Variants in TRAPPC9 observed in about 807,000 individuals in gnomAD.
TRAPPC9 encodes trafficking protein particle complex subunit 9, also known as IKK2 binding protein.
TRAPPC9 carries 83 observed loss-of-function variants against 124.0 expected under a neutral mutation model. The ratio of observed to expected loss-of-function variants is 0.67; its 90% CI spans 0.56 to 0.80. The LOEUF (loss-of-function observed/expected upper bound fraction) is 0.80. Ranked by LOEUF, TRAPPC9 falls within the 30% of genes least tolerant of loss-of-function variation. The pLI is 0.00. For synonymous variants in TRAPPC9, 638 were observed against 617.5 expected, an observed-to-expected ratio of 1.03 and a Z score of -0.49; for missense variants, 1,302 against 1,508.3, an observed-to-expected ratio of 0.86 and a Z score of 2.27.
intron 12 of TRAPPC9, among the ~76,000 whole-genome samples, chr8:140,288,153 G>A (rs1453218379): frequency 6.6e-6 from 1 of 152,150 alleles, no homozygotes; most frequent in African/African-American, 2.4e-5. Flanking sequence ...ACCAACCTGG[G>A]CAACACAGTA....
chr8:140,306,727 G>A (rs2066148228), intron 10 of TRAPPC9, among the ~76,000 whole-genome samples: 1 of 152,188 alleles, frequency 6.6e-6, no homozygotes, highest in Admixed American at 6.5e-5. Flanking sequence ...ATCAGAAAGT[G>A]CCACAAGTCC....
At chr8:140,227,961 T>A (rs1587968705) in intron 16 of TRAPPC9, among the ~76,000 whole-genome samples, 1 of 152,160 alleles carries the variant, frequency 6.6e-6, no homozygotes, top group African/African-American at 2.4e-5. Context: ...TACATTTCAG[T>A]CCCCACACTG....
chr8:139,771,349 TTTC>T (rs1234465926), intron 21 of TRAPPC9, among the ~76,000 whole-genome samples: 2 of 152,060 alleles, frequency 1.3e-5, no homozygotes, highest in African/African-American at 2.4e-5. Context: ...CTGTCACTCA[TTTC>T]TAGCCAATCA....
intron 19 of TRAPPC9, among the ~76,000 whole-genome samples, chr8:139,987,059 T>A (rs1414861255): frequency 6.6e-6 from 1 of 152,206 alleles, no homozygotes; most frequent in African/African-American, 2.4e-5. Flanking sequence ...CAGCATCCTG[T>A]TCCTGAGAGT....
At chr8:140,066,470 G>A (rs1842901089) in intron 17 of TRAPPC9, among the ~76,000 whole-genome samples, 1 of 152,194 alleles carries the variant, frequency 6.6e-6, no homozygotes, top group African/African-American at 2.4e-5. Flanking sequence ...CTCTTGAAGT[G>A]CAGTGAATTG....
chr8:140,280,004 A>G (rs938016036), intron 14 of TRAPPC9, among the ~76,000 whole-genome samples: 3 of 152,224 alleles, frequency 2.0e-5, no homozygotes, highest in Admixed American at 1.3e-4. Flanking sequence ...AGATGGAGCC[A>G]CGATCTCCTT....
intron 4 of TRAPPC9, among the ~76,000 whole-genome samples, chr8:140,432,929 C>CA (rs1408553983): frequency 6.6e-6 from 1 of 151,286 alleles, no homozygotes; most frequent in Non-Finnish European, 1.5e-5. Flanking sequence ...AAGTGTCTTA[C>CA]AAAAAAATAC....
chr8:139,971,746 T>TACACACAC (rs1554419388), intron 19 of TRAPPC9, among the ~76,000 whole-genome samples: 885 of 15,716 alleles, frequency 0.056, 16 homozygotes, highest in Middle Eastern at 0.1. Flanking sequence ...CACATATATA[T>TACACACAC]ATACACACAC....
In TRAPPC9 at chr8:140,083,179, T is replaced by C. The variant is rs575652019; in HGVS notation, c.2557-59100A>G. ...CTGCACTCCAGCCTGGGTGACAGAA[T>C]GAGACTCCATCTCAAAAAAAAAAAT... is the stretch of plus-strand genomic sequence containing the variant. On this transcript the variant is annotated intron_variant, in intron 17 of 22. Coordinates refer to ENST00000438773, the MANE Select transcript of TRAPPC9 (RefSeq NM_001160372.4). Among the ~76,000 whole-genome samples the C allele has an allele frequency of 3.5e-3, 500 of 141,526 alleles. 1 individual carries two copies. Among genetic ancestry groups the C allele is most frequent in the Non-Finnish European group, 6.2e-3 (389 of 63,164 alleles). The allele number at this position is 141,526 out of a possible 152,430, so 92.8% of individuals were successfully genotyped here. A position where few individuals can be genotyped will look rare whatever the true frequency, so the allele number is the denominator to read the frequency against.
intron 16 of TRAPPC9, among the ~76,000 whole-genome samples, chr8:140,247,500 G>T (rs191375635): frequency 6.6e-6 from 1 of 150,510 alleles, no homozygotes; most frequent in African/African-American, 2.5e-5. Flanking sequence ...AATATGTCCC[G>T]CTCATTCTAA....
chr8:140,093,237 C>T (rs1844688770), intron 17 of TRAPPC9, among the ~76,000 whole-genome samples: 2 of 152,302 alleles, frequency 1.3e-5, no homozygotes, highest in East Asian at 3.9e-4. Context: ...GAGGTGCATC[C>T]TGTGCAGGAA....
At chr8:140,278,526 C>T (rs1020390629) in intron 14 of TRAPPC9, among the ~76,000 whole-genome samples, 3 of 152,194 alleles carry the variant, frequency 2.0e-5, no homozygotes, top group Non-Finnish European at 2.9e-5. Context: ...AACCACTGTG[C>T]GACACAGAAA....
intron 17 of TRAPPC9, among the ~76,000 whole-genome samples, chr8:140,032,043 G>A (rs899449826): frequency 6.6e-6 from 1 of 152,158 alleles, no homozygotes; most frequent in Non-Finnish European, 1.5e-5. Flanking sequence ...CAGTGCAGAG[G>A]GCCGCCACGT....
chr8:139,969,956 T>C (rs768615122), intron 19 of TRAPPC9, among the ~76,000 whole-genome samples: 30 of 152,368 alleles, frequency 2.0e-4, no homozygotes, highest in Admixed American at 9.1e-4. Flanking sequence ...TGTCTTGTTA[T>C]CCAAGTTTCC....
chr8:140,255,873 G>T (rs2064242076), intron 15 of TRAPPC9, among the ~76,000 whole-genome samples: 1 of 152,216 alleles, frequency 6.6e-6, no homozygotes, highest in Admixed American at 6.5e-5. Context: ...GCAACAAAGC[G>T]AGACTCCGTC....
At chr8:139,885,522 C>A (rs375497939) in intron 21 of TRAPPC9, among the ~76,000 whole-genome samples, 1 of 152,210 alleles carries the variant, frequency 6.6e-6, no homozygotes, top group Admixed American at 6.5e-5. Flanking sequence ...AGAGCACACA[C>A]CCCGCCAGAC....
At position 140,023,853 on chromosome 8, in the gene TRAPPC9, C is replaced by T. The variant is rs1174702471; in HGVS notation, c.2699+84G>A. On this transcript the variant is annotated intron_variant, in intron 18 of 22. Transcript: ENST00000438773. ...GGCACGGATCTGACGGGATGCATGA[C>T]AAAAACACACTGAGGTCAGGATTCT... 4 of 1,604,796 alleles carry T rather than the reference C, an allele frequency of 2.5e-6. No individual in the cohort carries two copies. The African/African-American group carries it at 5.4e-5, about 21-fold the overall frequency.
intron 3 of TRAPPC9, among the ~76,000 whole-genome samples, chr8:140,438,838 C>T (rs943753788): frequency 2.6e-5 from 4 of 152,088 alleles, no homozygotes; most frequent in Non-Finnish European, 4.4e-5. Flanking sequence ...ACTATAGGCG[C>T]GTGCCACCAC....
At chr8:140,285,146 A>G (rs2065447474) in intron 13 of TRAPPC9, among the ~76,000 whole-genome samples, 1 of 152,340 alleles carries the variant, frequency 6.6e-6, no homozygotes, top group South Asian at 2.1e-4. Flanking sequence ...CCTTGTTCCC[A>G]AAGCGGGCTA....
Sources: allele counts gnomAD v4.1 joint callset (sites outside exome capture counted in the v4.1 genomes callset), GRCh38; gene constraint gnomAD v4.1.1; transcripts MANE v1.5; gene names NCBI Gene and HGNC (gene_info 2026-07-23, HGNC 2026-07-21).